THADA: variants seen among roughly 807,000 people sequenced by gnomAD.
The protein encoded by THADA is THADA armadillo repeat containing.
Under a neutral mutation model 219.8 loss-of-function variants are expected in THADA, and 213 were observed. The ratio of observed to expected loss-of-function variants is 0.97; its 90% CI spans 0.87 to 1.09. The LOEUF is 1.09. THADA is among the 50% of genes least tolerant of loss of function. The probability of loss-of-function intolerance (pLI) is 0.00; values close to 1 mark genes in which losing one functional copy is unlikely to be tolerated. For missense variants in THADA, 2,956 were observed against 2,311.3 expected, an observed-to-expected ratio of 1.28 and a Z score of -5.72; for synonymous variants, 1,018 against 828.9, an observed-to-expected ratio of 1.23 and a Z score of -3.92.
intron 11 of THADA, among the ~76,000 whole-genome samples, chr2:43,574,051 A>C (rs76627180): frequency 3.2e-5 from 2 of 62,816 alleles, no homozygotes; most frequent in African/African-American, 1.8e-4. Context: ...TGATACAATA[A>C]AATAAATTCA....
At chr2:43,321,203 G>T (rs1314830822) in intron 30 of THADA, among the ~76,000 whole-genome samples, 2 of 152,190 alleles carry the variant, frequency 1.3e-5, no homozygotes, top group African/African-American at 4.8e-5. Flanking sequence ...GAACAGCACT[G>T]AAGGGCCTTG....
chr2:43,386,036 T>A (rs1160596924), intron 29 of THADA, among the ~76,000 whole-genome samples: 2 of 152,098 alleles, frequency 1.3e-5, no homozygotes, highest in Non-Finnish European at 2.9e-5. Flanking sequence ...CTATTCCATA[T>A]GAACATGGGC....
chr2:43,407,575 A>T (rs1267494334), intron 28 of THADA, among the ~76,000 whole-genome samples: 1 of 152,152 alleles, frequency 6.6e-6, no homozygotes, highest in Non-Finnish European at 1.5e-5. Flanking sequence ...AATCTTAGAC[A>T]ATCTAAACAT....
intron 23 of THADA, among the ~76,000 whole-genome samples, chr2:43,507,261 A>G (rs1363550042): frequency 1.3e-5 from 2 of 152,212 alleles, no homozygotes; most frequent in Admixed American, 1.3e-4. Context: ...AGCTAGGTAA[A>G]GTTATGGCAT....
intron 22 of THADA, among the ~76,000 whole-genome samples, chr2:43,525,878 G>A (rs1009276306): frequency 1.3e-5 from 2 of 152,152 alleles, no homozygotes; most frequent in Non-Finnish European, 2.9e-5. Flanking sequence ...CACCACCCAA[G>A]AGGAAGCCCT....
chr2:43,259,169 A>G (rs1228463709), intron 36 of THADA, among the ~76,000 whole-genome samples: 1 of 152,250 alleles, frequency 6.6e-6, no homozygotes. Context: ...TAAAAGCTCC[A>G]GGTTCACCCA....
intron 28 of THADA, among the ~76,000 whole-genome samples, chr2:43,418,520 C>G (rs1389932208): frequency 2.0e-5 from 3 of 152,088 alleles, no homozygotes; most frequent in Non-Finnish European, 4.4e-5. Flanking sequence ...TTGTACTAGG[C>G]CCTAAAAGAA....
intron 31 of THADA, among the ~76,000 whole-genome samples, chr2:43,305,414 G>A (rs1223287864): frequency 1.3e-5 from 2 of 152,108 alleles, no homozygotes; most frequent in Admixed American, 6.5e-5. Flanking sequence ...AGTACTGGTT[G>A]TTTATTTCTT....
chr2:43,441,266 T>A (rs531608026), intron 26 of THADA, among the ~76,000 whole-genome samples: 2 of 152,328 alleles, frequency 1.3e-5, no homozygotes, highest in South Asian at 4.1e-4. Flanking sequence ...CACAGAAATG[T>A]CAACCCTATT....
chr2:43,505,984 T>G (rs1177166755), intron 23 of THADA, among the ~76,000 whole-genome samples: 1 of 152,216 alleles, frequency 6.6e-6, no homozygotes, highest in African/African-American at 2.4e-5. Flanking sequence ...CTTTGCTCAT[T>G]AAATTTTATA....
intron 30 of THADA, among the ~76,000 whole-genome samples, chr2:43,322,786 T>C (rs1678893599): frequency 7.2e-6 from 1 of 138,664 alleles, no homozygotes; most frequent in African/African-American, 2.7e-5. Context: ...GCCGGGTTCA[T>C]GCCATTCTCC....
intron 31 of THADA, among the ~76,000 whole-genome samples, chr2:43,294,593 T>C (rs149698713): frequency 0.022 from 3,424 of 152,268 alleles, 57 homozygotes; most frequent in South Asian, 0.061. Context: ...CAGCTAGTTC[T>C]GTATGCAACG....
rs750076066 is a variant in THADA, at chr2:43,578,072, TTA to T, written c.816+439_816+440del. Among the ~76,000 whole-genome samples the T allele has an allele frequency of 2.0e-5, 3 of 152,130 alleles. No individual in the cohort carries two copies. In the South Asian group the frequency reaches 6.2e-4, roughly 32 times the overall value. On this transcript the variant is annotated intron_variant, in intron 9 of 37. Coordinates refer to ENST00000405975, the MANE Select transcript of THADA (RefSeq NM_022065.5). ...TCTGAATTTTTGGAATTGTCTCTTA[TTA>T]TAACAGAAAAAGGTCATCAGAAGGA...
At chr2:43,278,204 G>T (rs1160373471) in intron 36 of THADA, among the ~76,000 whole-genome samples, 3 of 152,104 alleles carry the variant, frequency 2.0e-5, no homozygotes, top group Non-Finnish European at 4.4e-5. Context: ...ACCCATCTCA[G>T]CCTCCCAAAG....
At chr2:43,458,593 A>G (rs948688448) in intron 26 of THADA, among the ~76,000 whole-genome samples, 5 of 151,958 alleles carry the variant, frequency 3.3e-5, no homozygotes, top group African/African-American at 9.7e-5. Context: ...ACTTTTTTCA[A>G]CCCCTACTGT....
intron 26 of THADA, among the ~76,000 whole-genome samples, chr2:43,450,445 CT>C (rs1274401802): frequency 1.1e-4 from 17 of 151,594 alleles, no homozygotes; most frequent in African/African-American, 4.1e-4. Context: ...ATGTTACAAC[CT>C]TAGAATATTA....
intron 28 of THADA, among the ~76,000 whole-genome samples, chr2:43,407,366 T>G (rs1197613576): frequency 6.6e-6 from 1 of 152,220 alleles, no homozygotes; most frequent in Admixed American, 6.5e-5. Flanking sequence ...TTTATTGACA[T>G]TAAAAAACTT....
intron 26 of THADA, among the ~76,000 whole-genome samples, chr2:43,480,968 C>G (rs1686143759): frequency 6.6e-6 from 1 of 152,190 alleles, no homozygotes; most frequent in African/African-American, 2.4e-5. Context: ...ATTACATTCT[C>G]TAAAATATGA....
At chr2:43,515,812 C>G (rs1265518631) in intron 22 of THADA, among the ~76,000 whole-genome samples, 1 of 152,066 alleles carries the variant, frequency 6.6e-6, no homozygotes, top group Non-Finnish European at 1.5e-5. Context: ...CTTCCAGAGA[C>G]TCTCACCAAA....
Sources: gnomAD v4.1 joint callset for allele counts (sites outside exome capture counted in the v4.1 genomes callset) on GRCh38, gnomAD v4.1.1 for gene constraint, MANE v1.5 for transcripts, NCBI Gene and HGNC (gene_info 2026-07-23, HGNC 2026-07-21) for gene names.